The following PLCL1 variants were observed in gnomAD, a reference collection of about 807,000 sequenced individuals.
PLCL1 encodes phospholipase C like 1 (inactive).
A neutral mutation model predicts 84.4 loss-of-function variants in PLCL1; 41 were observed. That is an observed-to-expected ratio of 0.49 (90% CI 0.38 to 0.63). The LOEUF (loss-of-function observed/expected upper bound fraction) is 0.63. Among genes scored for constraint, PLCL1 ranks in the 30% least tolerant of loss-of-function variants. The pLI is 0.00. For missense variants in PLCL1, 1,206 were observed against 1,367.8 expected (o/e 0.88, Z 1.87); for synonymous variants, 490 against 488.3 (o/e 1.00, Z -0.05).
chr2:197,860,067 C>A (rs1687400734), intron 1 of PLCL1, among the ~76,000 whole-genome samples: 1 of 152,090 alleles, frequency 6.6e-6, no homozygotes, highest in Non-Finnish European at 1.5e-5. Context: ...TGTTGTGCCC[C>A]TCTATGTGTC....
At chr2:198,016,395 C>T (rs1236339304) in intron 1 of PLCL1, among the ~76,000 whole-genome samples, 1 of 152,170 alleles carries the variant, frequency 6.6e-6, no homozygotes, top group Non-Finnish European at 1.5e-5. Context: ...TGATGCTCCT[C>T]TCTTCAAGTC....
At chr2:197,989,899 A>G (rs1283298688) in intron 1 of PLCL1, among the ~76,000 whole-genome samples, 1 of 152,178 alleles carries the variant, frequency 6.6e-6, no homozygotes, top group Non-Finnish European at 1.5e-5. Context: ...TCTCCCAGGT[A>G]TTACTTAGGA....
chr2:197,914,412 C>G (rs1413225270), intron 1 of PLCL1, among the ~76,000 whole-genome samples: 2 of 151,884 alleles, frequency 1.3e-5, no homozygotes, highest in Non-Finnish European at 2.9e-5. Context: ...TCACCTCAAC[C>G]TCTGCCTCTT....
chr2:198,059,908 C>T (rs1692152705), intron 1 of PLCL1, among the ~76,000 whole-genome samples: 1 of 152,142 alleles, frequency 6.6e-6, no homozygotes, highest in Admixed American at 6.5e-5. Context: ...GAATTGGAGA[C>T]AGGCCATGTT....
intron 1 of PLCL1, among the ~76,000 whole-genome samples, chr2:197,866,293 G>T: frequency 6.7e-6 from 1 of 149,338 alleles, no homozygotes; most frequent in South Asian, 2.1e-4. Flanking sequence ...AAAATATCTT[G>T]AACATTTGCG....
intron 1 of PLCL1, among the ~76,000 whole-genome samples, chr2:197,948,019 A>T (rs1689315539): frequency 6.6e-6 from 1 of 152,168 alleles, no homozygotes; most frequent in Non-Finnish European, 1.5e-5. Flanking sequence ...GAGATTAAGA[A>T]TGAGTGAGGA....
chr2:197,957,037 C>T (rs1251232178), intron 1 of PLCL1, among the ~76,000 whole-genome samples: 1 of 151,902 alleles, frequency 6.6e-6, no homozygotes, highest in Admixed American at 6.6e-5. Flanking sequence ...CTGTTTTTCC[C>T]TTCATAGGCA....
chr2:197,896,797 A>G (rs946509102), intron 1 of PLCL1, among the ~76,000 whole-genome samples: 6 of 151,648 alleles, frequency 4.0e-5, no homozygotes, highest in African/African-American at 7.2e-5. Context: ...TTTTCCAGAT[A>G]GAATTTGTTT....
intron 1 of PLCL1, among the ~76,000 whole-genome samples, chr2:197,923,032 C>A (rs1283905734): frequency 8.7e-6 from 1 of 114,732 alleles, no homozygotes; most frequent in Non-Finnish European, 1.9e-5. Context: ...GGCGGCCGGG[C>A]AGAGGCGCCC....
chr2:198,050,199 G>A (rs1691892139), intron 1 of PLCL1, among the ~76,000 whole-genome samples: 1 of 152,286 alleles, frequency 6.6e-6, no homozygotes, highest in African/African-American at 2.4e-5. Context: ...TTAATATTCA[G>A]GACATCTGTC....
chr2:197,927,370 C>T (rs1688850914), intron 1 of PLCL1, among the ~76,000 whole-genome samples: 1 of 152,172 alleles, frequency 6.6e-6, no homozygotes, highest in Non-Finnish European at 1.5e-5. Flanking sequence ...CCACCAATGT[C>T]AGTGAGCCCC....
At chr2:197,822,069 C>T (rs1249058385) in intron 1 of PLCL1, among the ~76,000 whole-genome samples, 1 of 152,120 alleles carries the variant, frequency 6.6e-6, no homozygotes, top group Non-Finnish European at 1.5e-5. Context: ...TTTATCCTGA[C>T]TTTCAAATGT....
At chr2:198,092,245 G>T (rs1262174973) in intron 3 of PLCL1, among the ~76,000 whole-genome samples, 1 of 150,808 alleles carries the variant, frequency 6.6e-6, no homozygotes, top group African/African-American at 2.4e-5. Flanking sequence ...TAGCCTACCT[G>T]CCTCTCCAGC....
rs7349300 is a variant in PLCL1 at position 198,147,510 on chromosome 2, C to G, written c.*548C>G. On this transcript the variant is annotated 3_prime_UTR_variant, in exon 6 of 6. Coordinates refer to ENST00000428675, the MANE Select transcript of PLCL1 (RefSeq NM_006226.4). Reference sequence around the variant, plus strand: ...GATTAAATATAGATTAGAAAAATTCCTAAGAATCAGAGTAGAAATAAAAGT... The same window carrying G: ...GATTAAATATAGATTAGAAAAATTCGTAAGAATCAGAGTAGAAATAAAAGT... The G allele has an allele frequency of 6.6e-6, 1 of 151,926 alleles. No homozygotes were observed. Among genetic ancestry groups the G allele is most frequent in the Non-Finnish European group, 1.5e-5 (1 of 67,964 alleles). The allele number at this position is 151,926 out of a possible 1,614,324, so 9.4% of individuals were successfully genotyped here. A position where few individuals can be genotyped will look rare whatever the true frequency, so the allele number is the denominator to read the frequency against.
chr2:198,045,236 C>G (rs1244974657), intron 1 of PLCL1, among the ~76,000 whole-genome samples: 1 of 152,068 alleles, frequency 6.6e-6, no homozygotes, highest in Middle Eastern at 3.2e-3. Context: ...TTATTTTTCT[C>G]TTAACATTTG....
intron 1 of PLCL1, among the ~76,000 whole-genome samples, chr2:197,860,387 A>G (rs1347793989): frequency 1.3e-5 from 2 of 152,262 alleles, no homozygotes; most frequent in East Asian, 3.9e-4. Context: ...CTTTGGGTAT[A>G]TACCTAGTAA....
chr2:198,093,974 A>C (rs780572794), intron 3 of PLCL1, among the ~76,000 whole-genome samples: 11 of 152,230 alleles, frequency 7.2e-5, no homozygotes, highest in South Asian at 2.1e-4. Flanking sequence ...ATAAATAAAT[A>C]AATCCCACTA....
rs1394959152 is a variant in PLCL1, at chr2:198,147,781, T to G, written c.*819T>G. Reference sequence around the variant, plus strand: ...TAGGATTTTGATGTGACAATAATATTGTTGTATAATTTCGAGATTTGTAGG... The same window carrying G: ...TAGGATTTTGATGTGACAATAATATGGTTGTATAATTTCGAGATTTGTAGG... On this transcript the variant is annotated 3_prime_UTR_variant, in exon 6 of 6. Transcript: ENST00000428675. 1 of 152,294 alleles carries G rather than the reference T, an allele frequency of 6.6e-6. No individual in the cohort carries two copies. The highest frequency in any genetic ancestry group is 6.5e-5 in the Admixed American group (1 of 15,274). The allele number at this position is 152,294 out of a possible 1,614,324, so 9.4% of individuals were successfully genotyped here.
chr2:197,942,101 CT>C (rs1375803741), intron 1 of PLCL1, among the ~76,000 whole-genome samples: 1 of 152,130 alleles, frequency 6.6e-6, no homozygotes, highest in African/African-American at 2.4e-5. Context: ...ACTGTTTGTT[CT>C]GGTATTTACC....
Sources: allele counts gnomAD v4.1 joint callset (sites outside exome capture counted in the v4.1 genomes callset), GRCh38; gene constraint gnomAD v4.1.1; transcripts MANE v1.5; gene names NCBI Gene and HGNC (gene_info 2026-07-23, HGNC 2026-07-21).